The following RPS6KC1 variants were observed in gnomAD, a reference collection of about 807,000 sequenced individuals.
The protein encoded by RPS6KC1 is ribosomal protein S6 kinase C1.
In RPS6KC1, 54 loss-of-function variants were observed where a neutral mutation model predicts 103.8. That is an observed-to-expected ratio of 0.52 (90% CI 0.42 to 0.65). RPS6KC1 has a LOEUF of 0.65. Among genes scored for constraint, RPS6KC1 ranks in the 30% least tolerant of loss-of-function variants. The pLI is 0.00. For missense variants in RPS6KC1, 1,151 were observed against 1,253.8 expected, an observed-to-expected ratio of 0.92 and a Z score of 1.24; for synonymous variants, 439 against 438.7, an observed-to-expected ratio of 1.00 and a Z score of -0.01.
At chr1:213,807,101 A>G in the RPS6KC1 span, among the ~76,000 whole-genome samples, 1 of 152,242 alleles carries the variant, frequency 6.6e-6, no homozygotes, top group Non-Finnish European at 1.5e-5. Context: ...AATGTTGAAT[A>G]TTGGCCCCCA....
chr1:213,305,210 G>A, the RPS6KC1 span, among the ~76,000 whole-genome samples: 11 of 151,960 alleles, frequency 7.2e-5, no homozygotes, highest in African/African-American at 1.2e-4. Flanking sequence ...TCAGCCTCCC[G>A]AGTAGCTGGG....
At chr1:213,459,765 C>T in the RPS6KC1 span, among the ~76,000 whole-genome samples, 1 of 152,132 alleles carries the variant, frequency 6.6e-6, no homozygotes, top group African/African-American at 2.4e-5. Flanking sequence ...TTAGCTATGT[C>T]CCAGAGATTC....
the RPS6KC1 span, among the ~76,000 whole-genome samples, chr1:213,657,259 T>TA: frequency 1.3e-5 from 2 of 151,472 alleles, no homozygotes; most frequent in South Asian, 2.1e-4. Context: ...CCAGGGAGTG[T>TA]AAAAAAAGAT....
chr1:213,594,672 A>G, the RPS6KC1 span, among the ~76,000 whole-genome samples: 10 of 152,208 alleles, frequency 6.6e-5, no homozygotes, highest in Non-Finnish European at 1.5e-4. Flanking sequence ...AGTACTTACC[A>G]TATGCTGAAT....
intron 1 of RPS6KC1, among the ~76,000 whole-genome samples, chr1:213,053,064 A>G (rs1477884812): frequency 6.6e-6 from 1 of 152,112 alleles, no homozygotes; most frequent in African/African-American, 2.4e-5. Flanking sequence ...ACATGGGTGG[A>G]ATGTTAGTTT....
chr1:213,804,147 TA>T, the RPS6KC1 span, among the ~76,000 whole-genome samples: 10,140 of 32,400 alleles, frequency 0.31, 744 homozygotes, highest in East Asian at 0.44. Flanking sequence ...AAGTCAAACA[TA>T]AAAAAAAAAA....
intron 8 of RPS6KC1, among the ~76,000 whole-genome samples, chr1:213,204,392 C>G (rs191079186): frequency 6.6e-6 from 1 of 152,122 alleles, no homozygotes; most frequent in Admixed American, 6.5e-5. Flanking sequence ...TAATTAGTTT[C>G]TTTTTAATAA....
chr1:213,447,039 G>A, the RPS6KC1 span, among the ~76,000 whole-genome samples: 3 of 152,034 alleles, frequency 2.0e-5, no homozygotes, highest in African/African-American at 7.2e-5. Flanking sequence ...GCATGGCTTA[G>A]GTCAGTGCTG....
At chr1:213,749,164 A>C in the RPS6KC1 span, among the ~76,000 whole-genome samples, 1 of 152,212 alleles carries the variant, frequency 6.6e-6, no homozygotes. Context: ...CACTGAGCCC[A>C]TGGAAAGCAT....
At chr1:213,464,686 A>G in the RPS6KC1 span, among the ~76,000 whole-genome samples, 1 of 151,950 alleles carries the variant, frequency 6.6e-6, no homozygotes. Flanking sequence ...TAAGGCCATA[A>G]ATGTTCTTAG....
intron 4 of RPS6KC1, among the ~76,000 whole-genome samples, chr1:213,107,878 T>C (rs1015977248): frequency 6.6e-6 from 1 of 152,250 alleles, no homozygotes; most frequent in African/African-American, 2.4e-5. Flanking sequence ...AGTTTCCTAA[T>C]GGCTAATGAT....
intron 8 of RPS6KC1, among the ~76,000 whole-genome samples, chr1:213,226,011 C>T (rs920205268): frequency 5.3e-5 from 8 of 151,716 alleles, no homozygotes; most frequent in Non-Finnish European, 7.4e-5. Flanking sequence ...ATCACGAGGT[C>T]GGGAGATTGA....
chr1:213,159,802 T>G (rs1487497750), intron 6 of RPS6KC1, among the ~76,000 whole-genome samples: 1 of 152,232 alleles, frequency 6.6e-6, no homozygotes, highest in African/African-American at 2.4e-5. Context: ...CACATTTTTA[T>G]ATCTGTAGCA....
chr1:213,528,942 A>G, the RPS6KC1 span, among the ~76,000 whole-genome samples: 1 of 152,230 alleles, frequency 6.6e-6, no homozygotes, highest in African/African-American at 2.4e-5. Flanking sequence ...GGAATCAGGT[A>G]GGAACTTAAT....
chr1:213,850,008 A>C, the RPS6KC1 span, among the ~76,000 whole-genome samples: 1 of 152,120 alleles, frequency 6.6e-6, no homozygotes, highest in South Asian at 2.1e-4. Flanking sequence ...GTTTATTCTC[A>C]TGGGTTTTCT....
the RPS6KC1 span, among the ~76,000 whole-genome samples, chr1:213,812,768 T>A: frequency 1.3e-5 from 2 of 152,182 alleles, no homozygotes; most frequent in Admixed American, 6.5e-5. Context: ...ATGAAAGACC[T>A]GGTAGGCAGC....
At chr1:213,792,710 A>T in the RPS6KC1 span, among the ~76,000 whole-genome samples, 1 of 152,212 alleles carries the variant, frequency 6.6e-6, no homozygotes, top group South Asian at 2.1e-4. Flanking sequence ...GAACAAAGAG[A>T]CAAAGTCCAG....
the RPS6KC1 span, among the ~76,000 whole-genome samples, chr1:213,323,205 C>A: frequency 2.0e-5 from 3 of 152,052 alleles, no homozygotes; most frequent in Non-Finnish European, 4.4e-5. Context: ...TATACTAGAC[C>A]CACCCCATAA....
chr1:213,077,187 A>G (rs1316818483), intron 2 of RPS6KC1, among the ~76,000 whole-genome samples: 2 of 152,236 alleles, frequency 1.3e-5, no homozygotes, highest in Non-Finnish European at 2.9e-5. Flanking sequence ...CCTTTTAGGC[A>G]AATACCGAGT....
Sources: allele counts gnomAD v4.1 joint callset (sites outside exome capture counted in the v4.1 genomes callset), GRCh38; gene constraint gnomAD v4.1.1; transcripts MANE v1.5; gene names NCBI Gene and HGNC (gene_info 2026-07-23, HGNC 2026-07-21).